Variants in DOK7 observed in about 807,000 individuals in gnomAD.
The protein encoded by DOK7 is docking protein 7, also known as protein Dok-7.
A neutral mutation model predicts 30.7 loss-of-function variants in DOK7; 32 were observed. The ratio of observed to expected loss-of-function variants is 1.04; its 90% CI spans 0.79 to 1.40. The LOEUF is 1.40. Among genes scored for constraint, DOK7 ranks in the 40% most tolerant of loss-of-function variants. The pLI is 0.00. For missense variants in DOK7, 1,007 were observed against 699.2 expected, an observed-to-expected ratio of 1.44 and a Z score of -4.97; for synonymous variants, 447 against 324.1, an observed-to-expected ratio of 1.38 and a Z score of -4.07.
At chr4:3,489,390 A>C (rs912254732) in intron 5 of DOK7, among the ~76,000 whole-genome samples, 1 of 151,954 alleles carries the variant, frequency 6.6e-6, no homozygotes, top group African/African-American at 2.4e-5. Context: ...GAGGAAGATG[A>C]GGAAGGAGGG....
Position 3,463,462 on chromosome 4 carries a change from G to GC in DOK7, c.54+34dup. 3.3e-6 allele frequency: 4 copies of GC among 1,215,602 alleles called. No individual in the cohort carries two copies. Among genetic ancestry groups the GC allele is most frequent in the South Asian group, 1.6e-5 (1 of 64,204 alleles). 75.3% of individuals were successfully genotyped at this position (1,215,602 alleles called of 1,614,324 possible). On this transcript the variant is annotated intron_variant, in intron 1 of 6. Coordinates refer to ENST00000340083, the MANE Select transcript of DOK7 (RefSeq NM_173660.5). ...CGCGTCGGGGGCGCGGGGGGGGGGG[G>GC]CGCGGGCGCGGGCGGCGGCTCACGC...
chr4:3,483,458 C>T (rs1727558652), intron 4 of DOK7, among the ~76,000 whole-genome samples: 1 of 152,136 alleles, frequency 6.6e-6, no homozygotes, highest in African/African-American at 2.4e-5. Flanking sequence ...CATCTTCCTC[C>T]AGGGCCACTG....
At chr4:3,488,775 C>T (rs1471024557) in intron 5 of DOK7, among the ~76,000 whole-genome samples, 2 of 151,586 alleles carry the variant, frequency 1.3e-5, no homozygotes, top group African/African-American at 4.9e-5. Flanking sequence ...TCGGTTTGCT[C>T]TTGCGGGTGT....
At chr4:3,495,916 C>T (rs1728884718), downstream of DOK7, among the ~76,000 whole-genome samples, 1 of 152,180 alleles carries the variant, frequency 6.6e-6, no homozygotes, top group Non-Finnish European at 1.5e-5. Context: ...CAGGGGGCCT[C>T]GTGTGAGGGT....
downstream of DOK7, among the ~76,000 whole-genome samples, chr4:3,498,345 C>T (rs1729026391): frequency 6.6e-6 from 1 of 152,170 alleles, no homozygotes; most frequent in East Asian, 1.9e-4. Flanking sequence ...CTTACAGCCC[C>T]CGTGTGACTC....
chr4:3,476,014 G>A (rs1289371355), intron 3 of DOK7, among the ~76,000 whole-genome samples: 3 of 151,910 alleles, frequency 2.0e-5, no homozygotes, highest in East Asian at 1.9e-4. Context: ...CTGCCTCCCC[G>A]GCTGACACCT....
Position 3,476,439 on chromosome 4 carries a change from C to G in DOK7, c.429C>G (p.Asp143Glu). Residue 143 changes from aspartate to glutamate, a missense_variant, in exon 4 of 7, where the codon GAC becomes GAG. By Grantham distance (45) the Asp-to-Glu change is conservative (BLOSUM62 2). Transcript: ENST00000340083. ...ATGATGTCCTCGTCTTGGCCAGGGA[C>G]ATCCCCCCGGCTGTCACGGGGCAGT... ...LCNDVLVLAR[D>E]IPPAVTGQWK... The G allele has an allele frequency of 6.2e-7, 1 of 1,613,642 alleles. No individual in the cohort carries two copies. The highest frequency in any genetic ancestry group is 8.5e-7 in the Non-Finnish European group (1 of 1,180,022).
chr4:3,491,798 G>A (rs1168298368), intron 6 of DOK7, among the ~76,000 whole-genome samples: 1 of 152,252 alleles, frequency 6.6e-6, no homozygotes, highest in Non-Finnish European at 1.5e-5. Flanking sequence ...TGGCTCTGTT[G>A]CCATTGTGGG....
intron 2 of DOK7, among the ~76,000 whole-genome samples, chr4:3,468,836 T>C (rs958996244): frequency 6.0e-4 from 91 of 150,724 alleles, no homozygotes; most frequent in African/African-American, 2.0e-3. Flanking sequence ...AGTGTGTGTG[T>C]GCGTGTATGT....
chr4:3,499,046 C>T (rs756426592), downstream of DOK7, among the ~76,000 whole-genome samples: 4 of 152,214 alleles, frequency 2.6e-5, no homozygotes, highest in African/African-American at 9.6e-5. Flanking sequence ...CAGGGAGTGA[C>T]GGGGACAAGG....
Position 3,494,182 on chromosome 4 carries a change from G to C in DOK7, c.*681G>C, listed in dbSNP as rs1281260484. The C allele has an allele frequency of 1.0e-6, 1 of 985,568 alleles. No homozygotes were observed. The allele number at this position is 985,568 out of a possible 1,614,324, so 61.1% of individuals were successfully genotyped here. A position where few individuals can be genotyped will look rare whatever the true frequency, so the allele number is the denominator to read the frequency against. On this transcript the variant is annotated 3_prime_UTR_variant, in exon 7 of 7. Coordinates refer to ENST00000340083, the MANE Select transcript of DOK7 (RefSeq NM_173660.5). ...CTCGCCTGCTGACCCCACTGGGAGAGGCGCCGTGCCTCGGGCCCCTGGTGG... is the reference window on the plus strand; with the variant it reads ...CTCGCCTGCTGACCCCACTGGGAGACGCGCCGTGCCTCGGGCCCCTGGTGG...
intron 4 of DOK7, among the ~76,000 whole-genome samples, chr4:3,483,392 G>A (rs568986887): frequency 6.6e-6 from 1 of 152,262 alleles, no homozygotes; most frequent in Non-Finnish European, 1.5e-5. Context: ...GCCTAGTCGT[G>A]CGGTGTCCTG....
chr4:3,500,935 G>A, exon 8 of DOK7: 14 of 1,417,158 alleles, frequency 9.9e-6, no homozygotes, highest in Non-Finnish European at 1.3e-5. Flanking sequence ...GGAGCTCCCA[G>A]TCGCAGGAGC....
chr4:3,498,648 C>T (rs1729040930), downstream of DOK7, among the ~76,000 whole-genome samples: 2 of 152,212 alleles, frequency 1.3e-5, no homozygotes, highest in South Asian at 4.1e-4. Context: ...TTGGCCTAGC[C>T]CCTCAGCCAT....
chr4:3,468,925 G>GT (rs1491585449), intron 2 of DOK7, among the ~76,000 whole-genome samples: 40 of 145,158 alleles, frequency 2.8e-4, no homozygotes, highest in Admixed American at 5.4e-4. Flanking sequence ...ATGTGTGTAT[G>GT]AGTGTGCGTG....
chr4:3,493,063 C>T lies in DOK7; in HGVS notation c.1077C>T (p.Ser359=), dbSNP rs1728620489. The T allele has an allele frequency of 6.3e-7, 1 of 1,575,808 alleles. No individual in the cohort carries two copies. Residue 359 remains serine, a synonymous_variant, in exon 7 of 7, where the codon AGC becomes AGT. Transcript: ENST00000340083. ...GCCTCTCGTCCTACGCGGGCAGCAG[C>T]CTGGACGTGTGGCGGGCCACAGATG... ...SSSLSSYAGS[S]LDVWRATDEL... is the part of the protein sequence containing the mutation.
chr4:3,491,639 C>G (rs1728471076), intron 6 of DOK7, among the ~76,000 whole-genome samples: 1 of 152,094 alleles, frequency 6.6e-6, no homozygotes, highest in African/African-American at 2.4e-5. Context: ...CCCTGAGAGC[C>G]TTTGAATCCT....
At chr4:3,468,259 C>T (rs77704303) in intron 2 of DOK7, among the ~76,000 whole-genome samples, 2,327 of 147,980 alleles carry the variant, frequency 0.016, 55 homozygotes, top group African/African-American at 0.054. Context: ...AGTGTGTGTC[C>T]GCGTGCATGT....
At chr4:3,463,898 AG>A (rs1018927051) in intron 2 of DOK7, among the ~76,000 whole-genome samples, 3 of 152,184 alleles carry the variant, frequency 2.0e-5, no homozygotes, top group Non-Finnish European at 4.4e-5. Context: ...GGAAACGCTC[AG>A]AGCAGGGCCC....
Sources: allele counts gnomAD v4.1 joint callset (sites outside exome capture counted in the v4.1 genomes callset), GRCh38; gene constraint gnomAD v4.1.1; transcripts MANE v1.5; gene names NCBI Gene and HGNC (gene_info 2026-07-23, HGNC 2026-07-21).